Variants in SULF2 observed in about 807,000 individuals in gnomAD.
The protein encoded by SULF2 is sulfatase 2, also known as extracellular sulfatase Sulf-2.
SULF2 carries 52 observed loss-of-function variants against 107.7 expected under a neutral mutation model. That is an observed-to-expected ratio of 0.48 (90% CI 0.39 to 0.61). The LOEUF (loss-of-function observed/expected upper bound fraction) is 0.61, where lower values mean the gene tolerates loss of function less well. Among genes scored for constraint, SULF2 ranks in the 20% least tolerant of loss-of-function variants. SULF2 has a pLI of 0.00. For synonymous variants in SULF2, 460 were observed against 464.3 expected, an observed-to-expected ratio of 0.99 and a Z score of 0.12; for missense variants, 993 against 1,177.3, an observed-to-expected ratio of 0.84 and a Z score of 2.29.
chr20:47,745,526 A>G (rs1002197080), intron 2 of SULF2, among the ~76,000 whole-genome samples: 3 of 138,406 alleles, frequency 2.2e-5, no homozygotes, highest in African/African-American at 7.9e-5. Flanking sequence ...GCCAGCTTTT[A>G]TTTATTTATT....
At chr20:47,756,645 A>ATT (rs1382163467) in intron 2 of SULF2, among the ~76,000 whole-genome samples, 1 of 103,772 alleles carries the variant, frequency 9.6e-6, no homozygotes, top group Non-Finnish European at 1.9e-5. Flanking sequence ...CTCATGTCTC[A>ATT]TCTTTTTTTT....
At chr20:47,689,289 G>A (rs1468432062) in intron 5 of SULF2, among the ~76,000 whole-genome samples, 5 of 152,222 alleles carry the variant, frequency 3.3e-5, no homozygotes, top group Non-Finnish European at 7.3e-5. Flanking sequence ...CGGTCTGTGT[G>A]ACCAATAGAA....
chr20:47,751,007 C>T (rs1007132509), intron 2 of SULF2, among the ~76,000 whole-genome samples: 1 of 152,198 alleles, frequency 6.6e-6, no homozygotes, highest in African/African-American at 2.4e-5. Context: ...CTGGCTTCCC[C>T]TCCTGGCTTT....
chr20:47,733,894 AC>A (rs1426940409), intron 3 of SULF2, among the ~76,000 whole-genome samples: 3 of 152,242 alleles, frequency 2.0e-5, no homozygotes, highest in African/African-American at 7.2e-5. Context: ...ATGTTGGTCC[AC>A]TTAAGTAGCA....
At chr20:47,733,582 G>T (rs2089664039) in intron 3 of SULF2, among the ~76,000 whole-genome samples, 1 of 152,192 alleles carries the variant, frequency 6.6e-6, no homozygotes, top group South Asian at 2.1e-4. Flanking sequence ...AGACCAGCTT[G>T]GCCAACATGG....
intron 1 of SULF2, among the ~76,000 whole-genome samples, chr20:47,781,355 G>A (rs369468497): frequency 4.6e-5 from 7 of 152,242 alleles, no homozygotes; most frequent in African/African-American, 1.2e-4. Flanking sequence ...GGGACTCCCC[G>A]TGCTGTTTTA....
chr20:47,783,922 A>T (rs1438753813), intron 1 of SULF2, among the ~76,000 whole-genome samples: 3 of 152,162 alleles, frequency 2.0e-5, no homozygotes, highest in African/African-American at 7.2e-5. Context: ...TCTTACAGGG[A>T]AGGGGCCCCC....
chr20:47,760,291 T>G (rs995955200), intron 1 of SULF2, among the ~76,000 whole-genome samples: 7 of 152,160 alleles, frequency 4.6e-5, no homozygotes, highest in Admixed American at 3.3e-4. Context: ...GCTCTCTGGC[T>G]TCCGGCTGGG....
intron 1 of SULF2, among the ~76,000 whole-genome samples, chr20:47,774,262 G>T (rs145087865): frequency 6.6e-6 from 1 of 152,216 alleles, no homozygotes; most frequent in African/African-American, 2.4e-5. Context: ...GAGGCTCTGC[G>T]AGCTGAGATT....
At chr20:47,676,841 A>G in intron 9 of SULF2, 2 of 669,196 alleles carry the variant, frequency 3.0e-6, no homozygotes, top group Non-Finnish European at 5.0e-6. Flanking sequence ...GCAATAAATT[A>G]AATAAATTGA....
At chr20:47,735,888 C>T (rs1276591360) in intron 3 of SULF2, among the ~76,000 whole-genome samples, 1 of 152,158 alleles carries the variant, frequency 6.6e-6, no homozygotes, top group African/African-American at 2.4e-5. Flanking sequence ...GCGGCACTCC[C>T]ACCCAAACAA....
rs187785493 is a variant in SULF2 at position 47,684,524 on chromosome 20, C to T, written c.795G>A (p.Thr265=). The T allele has an allele frequency of 8.7e-6, 14 of 1,614,064 alleles. No homozygotes were observed. The East Asian group carries it at 1.1e-4, about 13-fold the overall frequency. The part of the protein sequence containing the change: ...NPDKHWIMRY[T]GPMKPIHMEF... ...CCATGTGGATGGGCTTCATGGGCCCCGTGTAGCGCATGATCCAGTGTTTGT... is the reference window on the plus strand; with the variant it reads ...CCATGTGGATGGGCTTCATGGGCCCTGTGTAGCGCATGATCCAGTGTTTGT... The change falls in exon 6 of 21, where the codon ACG becomes ACA. Residue 265 remains threonine (T), a synonymous_variant. Coordinates refer to ENST00000688720, the MANE Select transcript of SULF2 (RefSeq NM_001387048.1).
chr20:47,783,692 A>AG (rs1470745614), intron 1 of SULF2, among the ~76,000 whole-genome samples: 1 of 152,230 alleles, frequency 6.6e-6, no homozygotes, highest in African/African-American at 2.4e-5. Flanking sequence ...ATTGACCCTC[A>AG]GCTGCAGCAG....
At chr20:47,658,530 T>C (rs2086966859) in intron 20 of SULF2, 138 bp from the exon 21 acceptor site, 1 of 917,198 alleles carries the variant, frequency 1.1e-6, no homozygotes. Context: ...AGAACGGGAT[T>C]GCCACCACCT....
chr20:47,770,752 T>C (rs2090614317), intron 1 of SULF2, among the ~76,000 whole-genome samples: 1 of 152,102 alleles, frequency 6.6e-6, no homozygotes, highest in African/African-American at 2.4e-5. Context: ...TTGCTGGCAG[T>C]CGGTTGGGAG....
At chr20:47,750,881 C>G (rs2090144567) in intron 2 of SULF2, among the ~76,000 whole-genome samples, 1 of 152,170 alleles carries the variant, frequency 6.6e-6, no homozygotes. Context: ...CCCCAGGGAT[C>G]CCCCTTGACT....
rs759764127 is a variant in SULF2 at position 47,661,776 on chromosome 20, G to C, written c.2491C>G (p.Leu831Val). 1.3e-6 allele frequency: 2 copies of C among 1,538,440 alleles called. No individual in the cohort carries two copies. Among genetic ancestry groups the C allele is most frequent in the Non-Finnish European group, 1.8e-6 (2 of 1,128,766 alleles). The change falls in exon 18 of 21, where the codon CTG (leucine) becomes GTG (valine). Residue 831 changes from leucine to valine, a missense_variant. By Grantham distance (32) the Leu-to-Val change is conservative. This residue lies in a region of SULF2 where 497 missense variants were observed against 544.1 expected (regional missense o/e 0.91). Coordinates refer to ENST00000688720, the MANE Select transcript of SULF2 (RefSeq NM_001387048.1). ...CCACGTTGGGGTGCCTACTCACCCA[G>C]GTCCATGTTTCGAGTCCGGGGGTTA... ...QCNPRTRNMD[L>V]GLKDGGSYEQ...
Position 47,683,176 on chromosome 20 carries a change from C to A in SULF2, c.889-7G>T. 1.9e-6 allele frequency: 3 copies of A among 1,588,400 alleles called. No individual in the cohort carries two copies. Among genetic ancestry groups the A allele is most frequent in the Non-Finnish European group, 1.7e-6 (2 of 1,161,184 alleles). On this transcript the variant is annotated splice_polypyrimidine_tract_variant and splice_region_variant and intron_variant, in intron 6 of 20. Transcript: ENST00000688720. ...CAACCAGCATGTTGTAAATCTGCAA[C>A]ACGGGCGAGGAGGCAAGGGACAGTG... is the stretch of plus-strand genomic sequence containing the variant.
Position 47,663,461 on chromosome 20 carries a change from A to G in SULF2, c.2219T>C (p.Phe740Ser), listed in dbSNP as rs771263368. ...HDNQHWQTAP[F>S]WTLGPFCACT... ...GCCCTGGGCTTGCTCACGTGTCCAG[A>G]AAGGCGCCGTCTGCCAGTGCTGGTT... is the stretch of plus-strand genomic sequence containing the variant. The change falls in exon 16 of 21, where the codon TTC (phenylalanine) becomes TCC (serine). Residue 740 changes from phenylalanine to serine, a missense_variant. By Grantham distance (155) the Phe-to-Ser change is radical (BLOSUM62 -2). Coordinates refer to ENST00000688720, the MANE Select transcript of SULF2 (RefSeq NM_001387048.1). 1 of 1,608,834 alleles carries G rather than the reference A, an allele frequency of 6.2e-7. No individual in the cohort carries two copies. The highest frequency in any genetic ancestry group is 8.5e-7 in the Non-Finnish European group (1 of 1,179,990).
Sources: allele counts gnomAD v4.1 joint callset (sites outside exome capture counted in the v4.1 genomes callset), GRCh38; gene constraint gnomAD v4.1.1; regional missense constraint gnomAD v4.1.1; transcripts MANE v1.5; gene names NCBI Gene and HGNC (gene_info 2026-07-23, HGNC 2026-07-21).